Variants in ARHGAP15 observed in about 807,000 individuals in gnomAD.
The protein encoded by ARHGAP15 is Rho GTPase activating protein 15.
Under a neutral mutation model 63.7 loss-of-function variants are expected in ARHGAP15, and 51 were observed. The observed-to-expected ratio is 0.80, with a 90% confidence interval of 0.64 to 1.01. The LOEUF is 1.01. Ranked by LOEUF, ARHGAP15 falls within the 50% of genes least tolerant of loss-of-function variation. The pLI, the probability that ARHGAP15 is intolerant of heterozygous loss-of-function variation, is 0.00. For synonymous variants in ARHGAP15, 191 were observed against 193.8 expected, an observed-to-expected ratio of 0.99 and a Z score of 0.12; for missense variants, 560 against 564.6, an observed-to-expected ratio of 0.99 and a Z score of 0.08.
At chr2:143,206,739 T>C (rs1410957823) in intron 3 of ARHGAP15, among the ~76,000 whole-genome samples, 1 of 152,096 alleles carries the variant, frequency 6.6e-6, no homozygotes, top group Admixed American at 6.6e-5. Flanking sequence ...AATAGGAAAA[T>C]AAATGCTTTA....
At chr2:143,307,676 G>A (rs1005792512) in intron 6 of ARHGAP15, among the ~76,000 whole-genome samples, 9 of 151,670 alleles carry the variant, frequency 5.9e-5, no homozygotes, top group African/African-American at 2.2e-4. Context: ...TCATTCAAAC[G>A]AAAAAAAATT....
intron 10 of ARHGAP15, among the ~76,000 whole-genome samples, chr2:143,537,661 TC>T (rs1694842502): frequency 6.6e-6 from 1 of 152,232 alleles, no homozygotes; most frequent in African/African-American, 2.4e-5. Flanking sequence ...CTTGTTTTTG[TC>T]AGGTTTGTCA....
chr2:143,334,443 G>T (rs1264688819), intron 6 of ARHGAP15, among the ~76,000 whole-genome samples: 1 of 152,054 alleles, frequency 6.6e-6, no homozygotes, highest in Non-Finnish European at 1.5e-5. Flanking sequence ...ACACACATAT[G>T]TGTCCATTTT....
intron 13 of ARHGAP15, among the ~76,000 whole-genome samples, chr2:143,725,300 C>T (rs1185558072): frequency 1.3e-5 from 2 of 152,188 alleles, no homozygotes; most frequent in African/African-American, 4.8e-5. Context: ...CTCTCCGAAG[C>T]CCACTTCTTT....
At chr2:143,491,598 C>T (rs554260762) in intron 9 of ARHGAP15, among the ~76,000 whole-genome samples, 40 of 152,258 alleles carry the variant, frequency 2.6e-4, no homozygotes, top group African/African-American at 9.4e-4. Context: ...TAGCACACCT[C>T]AGGGATTTAT....
At chr2:143,149,620 C>A (rs1052750370) in intron 1 of ARHGAP15, among the ~76,000 whole-genome samples, 10 of 151,902 alleles carry the variant, frequency 6.6e-5, no homozygotes, top group Non-Finnish European at 1.3e-4. Context: ...AATCTCCAAG[C>A]ATACTTTAAT....
intron 13 of ARHGAP15, among the ~76,000 whole-genome samples, chr2:143,746,682 C>G (rs1483368500): frequency 1.3e-5 from 2 of 152,152 alleles, no homozygotes; most frequent in Non-Finnish European, 1.5e-5. Context: ...AGTTTGCAAT[C>G]TAATTGAGAG....
At chr2:143,685,923 C>G (rs1277145684) in intron 12 of ARHGAP15, among the ~76,000 whole-genome samples, 1 of 151,990 alleles carries the variant, frequency 6.6e-6, no homozygotes, top group Non-Finnish European at 1.5e-5. Context: ...ATCGAAATCT[C>G]TCTTGAGAAG....
intron 6 of ARHGAP15, among the ~76,000 whole-genome samples, chr2:143,350,662 T>TA (rs34082157): frequency 0.06 from 7,605 of 126,502 alleles, 491 homozygotes; most frequent in Admixed American, 0.24. Flanking sequence ...TATTAAAAAT[T>TA]AAAAAAAAAA....
chr2:143,624,040 C>T (rs1698743259), intron 11 of ARHGAP15, 93 bp from the exon 12 acceptor site: 2 of 1,474,540 alleles, frequency 1.4e-6, no homozygotes, highest in East Asian at 4.6e-5. Context: ...TTAACGGTTG[C>T]TGATGATAGT....
Position 143,435,672 on chromosome 2 carries a change from C to T in ARHGAP15, c.546C>T (p.His182=), listed in dbSNP as rs146868356. 3.0e-3 allele frequency: 4,778 copies of T among 1,605,566 alleles called. 15 individuals carry two copies. Among genetic ancestry groups the T allele is most frequent in the Non-Finnish European group, 3.7e-3 (4,350 of 1,177,420 alleles). ...ACTTCATCATATTGGATTGGTTCCA[C>T]GCTATCAAAAATGCAATTGACAGAT... ...DIDFIILDWF[H]AIKNAIDRLP... The change falls in exon 7 of 14, where the codon CAC becomes CAT. Residue 182 remains histidine, a synonymous_variant. Transcript: ENST00000295095.
intron 13 of ARHGAP15, chr2:143,741,444 C>G (rs1343455584): frequency 6.6e-6 from 1 of 152,122 alleles, no homozygotes; most frequent in Non-Finnish European, 1.5e-5. Context: ...TGTGATCCCC[C>G]CAAAAAGGTT....
chr2:143,460,241 A>G (rs1690871282), intron 8 of ARHGAP15, among the ~76,000 whole-genome samples: 1 of 152,152 alleles, frequency 6.6e-6, no homozygotes, highest in African/African-American at 2.4e-5. Flanking sequence ...ATATCTCACA[A>G]AGTGTGTACT....
At chr2:143,747,413 T>C (rs1450479939) in intron 13 of ARHGAP15, among the ~76,000 whole-genome samples, 1 of 152,170 alleles carries the variant, frequency 6.6e-6, no homozygotes, top group Non-Finnish European at 1.5e-5. Flanking sequence ...TACATTAGGC[T>C]TCACTCTTTA....
At chr2:143,320,701 C>CA (rs140041236) in intron 6 of ARHGAP15, among the ~76,000 whole-genome samples, 7,600 of 151,960 alleles carry the variant, frequency 0.05, 480 homozygotes, top group Admixed American at 0.2. Flanking sequence ...ATTCTCCCAG[C>CA]AAAAATAGGG....
chr2:143,263,189 G>A (rs1406574034), intron 6 of ARHGAP15, among the ~76,000 whole-genome samples: 1 of 152,146 alleles, frequency 6.6e-6, no homozygotes, highest in African/African-American at 2.4e-5. Flanking sequence ...AGTAAGAACG[G>A]CAGATCTTAA....
intron 12 of ARHGAP15, among the ~76,000 whole-genome samples, chr2:143,698,025 A>G (rs979036329): frequency 1.3e-5 from 2 of 152,194 alleles, no homozygotes; most frequent in African/African-American, 4.8e-5. Context: ...CAGCTGTGGT[A>G]CCACTGACCT....
At chr2:143,144,302 C>A (rs966366268) in intron 1 of ARHGAP15, among the ~76,000 whole-genome samples, 12 of 151,914 alleles carry the variant, frequency 7.9e-5, no homozygotes, top group African/African-American at 2.7e-4. Flanking sequence ...AATGGTATTT[C>A]TGTCCTTAGT....
intron 3 of ARHGAP15, among the ~76,000 whole-genome samples, chr2:143,215,359 A>G (rs1418303526): frequency 6.6e-6 from 1 of 151,962 alleles, no homozygotes; most frequent in African/African-American, 2.4e-5. Context: ...TCCCACCCCA[A>G]CCTCCCACAC....
Sources: gnomAD v4.1 joint callset for allele counts (sites outside exome capture counted in the v4.1 genomes callset) on GRCh38, gnomAD v4.1.1 for gene constraint, MANE v1.5 for transcripts, NCBI Gene and HGNC (gene_info 2026-07-23, HGNC 2026-07-21) for gene names.